Variants in CCND3 observed in about 807,000 individuals in gnomAD.
CCND3 encodes cyclin D3, also known as G1/S-specific cyclin-D3.
CCND3 carries 9 observed loss-of-function variants against 28.7 expected under a neutral mutation model. The observed-to-expected ratio is 0.31, with a 90% confidence interval of 0.19 to 0.55. The LOEUF (loss-of-function observed/expected upper bound fraction) is 0.55. CCND3 is among the 20% of genes least tolerant of loss of function. The pLI, the probability that CCND3 is intolerant of heterozygous loss-of-function variation, is 0.93. For missense variants in CCND3, 315 were observed against 385.8 expected, an observed-to-expected ratio of 0.82 and a Z score of 1.54; for synonymous variants, 164 against 163.9, an observed-to-expected ratio of 1.00 and a Z score of 0.00.
rs1391916082 is a variant in CCND3 at position 41,941,473 on chromosome 6, C to CATCTTCCGCATGTGCGGCTTG, written c.156_176dup (p.Ile52_Lys58dup). 6.2e-7 allele frequency: 1 copy of CATCTTCCGCATGTGCGGCTTG among 1,608,118 alleles called. No homozygotes were observed. Among genetic ancestry groups the CATCTTCCGCATGTGCGGCTTG allele is most frequent in the South Asian group, 1.1e-5 (1 of 90,538 alleles). On this transcript the variant is annotated inframe_insertion, in exon 1 of 5. Transcript: ENST00000372991. The surrounding 1 kb of genome is among the most constrained non-coding windows in gnomAD (Gnocchi z 6.1). The stretch of plus-strand genomic sequence containing the variant: ...GTACCTCCAGCATCCAGTAAGCCAG[C>CATCTTCCGCATGTGCGGCTTG]ATCTTCCGCATGTGCGGCTTGATCT...
chr6:41,986,725 ACTT>A (rs1445850394), intron 1 of CCND3, among the ~76,000 whole-genome samples: 1 of 151,990 alleles, frequency 6.6e-6, no homozygotes, highest in Non-Finnish European at 1.5e-5. Context: ...AGACAATGTT[ACTT>A]CTTCTTTTCC....
intron 1 of CCND3, among the ~76,000 whole-genome samples, chr6:41,953,901 A>C (rs1341268704): frequency 6.6e-6 from 1 of 151,988 alleles, no homozygotes; most frequent in East Asian, 1.9e-4. Context: ...CTGAATACTT[A>C]CTATGTGCCA....
intron 1 of CCND3, among the ~76,000 whole-genome samples, chr6:41,983,409 T>C (rs1762401511): frequency 6.6e-6 from 1 of 151,558 alleles, no homozygotes; most frequent in Non-Finnish European, 1.5e-5. Context: ...GGTATATATA[T>C]AATGAAATTA....
In CCND3 at chr6:41,935,839, G is replaced by A. The variant is rs759687476; in HGVS notation, c.*101C>T. 58 of 1,120,864 alleles carry A rather than the reference G, an allele frequency of 5.2e-5. No homozygotes were observed. Among genetic ancestry groups the A allele is most frequent in the African/African-American group, 4.5e-4 (29 of 64,890 alleles). The allele number at this position is 1,120,864 out of a possible 1,614,324, so 69.4% of individuals were successfully genotyped here. A position where few individuals can be genotyped will look rare whatever the true frequency, so the allele number is the denominator to read the frequency against. ...TGGGCTTTGTGAAGGGGGAACAGAC[G>A]CCCCTTCAGGCTTAGATGTGGTGTG... On this transcript the variant is annotated 3_prime_UTR_variant, in exon 5 of 5. Transcript: ENST00000372991.
At chr6:41,992,463 G>GTT (rs373285628) in intron 1 of CCND3, among the ~76,000 whole-genome samples, 105,222 of 120,484 alleles carry the variant, frequency 0.87, 46,365 homozygotes, top group Non-Finnish European at 0.9. Flanking sequence ...CACCCAGCCG[G>GTT]TTTTTTTTTT....
intron 1 of CCND3, among the ~76,000 whole-genome samples, chr6:42,046,654 GCACA>G (rs142253936): frequency 1.3e-4 from 19 of 151,100 alleles, no homozygotes; most frequent in Admixed American, 2.6e-4. Flanking sequence ...ACACGCGCGC[GCACA>G]CACACACACA....
intron 1 of CCND3, among the ~76,000 whole-genome samples, chr6:41,972,461 A>G (rs921857797): frequency 1.3e-5 from 2 of 152,082 alleles, no homozygotes; most frequent in African/African-American, 4.8e-5. Flanking sequence ...TGGAGTTTAG[A>G]TAGCCTTGGC....
chr6:41,977,652 C>T (rs1047521299), intron 1 of CCND3, among the ~76,000 whole-genome samples: 10 of 152,162 alleles, frequency 6.6e-5, no homozygotes, highest in African/African-American at 2.4e-4. Flanking sequence ...CAGGCGCGAA[C>T]CACCATGCCC....
chr6:41,991,282 C>T (rs1207291524), intron 1 of CCND3, among the ~76,000 whole-genome samples: 43 of 152,174 alleles, frequency 2.8e-4, no homozygotes, highest in Admixed American at 2.8e-3. Context: ...TGGTCTCAAA[C>T]TCCTGACCTC....
At chr6:41,957,609 G>A (rs1776468314) in intron 1 of CCND3, among the ~76,000 whole-genome samples, 1 of 152,140 alleles carries the variant, frequency 6.6e-6, no homozygotes, top group Non-Finnish European at 1.5e-5. Flanking sequence ...CTTGTTTCCT[G>A]TGAATAAATC....
intron 1 of CCND3, among the ~76,000 whole-genome samples, chr6:41,998,889 G>C (rs569381428): frequency 2.0e-4 from 30 of 151,726 alleles, no homozygotes; most frequent in Admixed American, 6.6e-4. Context: ...ATGTTGGTCA[G>C]GCTGGTCTCA....
At chr6:41,942,292 T>G (rs1330366287), upstream of CCND3, among the ~76,000 whole-genome samples, 2 of 152,182 alleles carry the variant, frequency 1.3e-5, no homozygotes, top group Non-Finnish European at 2.9e-5. Flanking sequence ...GTGGCAGAGC[T>G]AGGATTGGGA....
rs1764607437 is a variant in CCND3, at chr6:42,048,334, G to T, written c.-46+167C>A. 3 of 337,346 alleles carry T rather than the reference G, an allele frequency of 8.9e-6. No homozygotes were observed. Among genetic ancestry groups the T allele is most frequent in the Non-Finnish European group, 1.8e-5 (3 of 170,254 alleles). 20.9% of individuals were successfully genotyped at this position (337,346 alleles called of 1,614,324 possible). On this transcript the variant is annotated intron_variant, in intron 1 of 4. Transcript: ENST00000372988. The surrounding 1 kb of genome is among the most constrained non-coding windows in gnomAD (Gnocchi z 4.7). The stretch of plus-strand genomic sequence containing the variant: ...GGGTTTCTCTGCCCTTCAATTCCGT[G>T]CAGAACACCTCACTCAGTGGGAAAG...
intron 1 of CCND3, among the ~76,000 whole-genome samples, chr6:41,951,517 A>G (rs545373615): frequency 1.7e-4 from 23 of 138,036 alleles, no homozygotes; most frequent in African/African-American, 5.1e-4. Context: ...AGCTGAGATC[A>G]TGTCACTGCA....
chr6:42,018,076 G>C (rs1344754399), intron 1 of CCND3, among the ~76,000 whole-genome samples: 1 of 151,986 alleles, frequency 6.6e-6, no homozygotes, highest in Non-Finnish European at 1.5e-5. Flanking sequence ...TTGAACCTGG[G>C]AGGTGGAGGT....
intron 1 of CCND3, among the ~76,000 whole-genome samples, chr6:42,027,427 G>A (rs959961212): frequency 3.1e-5 from 4 of 129,682 alleles, no homozygotes; most frequent in Non-Finnish European, 3.3e-5. Context: ...GTGAGAGAGC[G>A]AGGCTCCATC....
At chr6:41,977,444 A>G (rs1240490504) in intron 1 of CCND3, among the ~76,000 whole-genome samples, 1 of 152,034 alleles carries the variant, frequency 6.6e-6, no homozygotes, top group Non-Finnish European at 1.5e-5. Context: ...TCGTCTCACT[A>G]CAACCTCCAC....
At chr6:41,970,638 A>C (rs1762010003) in intron 1 of CCND3, among the ~76,000 whole-genome samples, 1 of 152,212 alleles carries the variant, frequency 6.6e-6, no homozygotes, top group South Asian at 2.1e-4. Flanking sequence ...GCAAGCCTGT[A>C]TTATGGAAGT....
intron 1 of CCND3, among the ~76,000 whole-genome samples, chr6:41,994,435 G>A (rs1198442563): frequency 6.6e-6 from 1 of 152,146 alleles, no homozygotes; most frequent in Non-Finnish European, 1.5e-5. Flanking sequence ...TATGGAGGGA[G>A]CAAAAAGACC....
Sources: allele counts gnomAD v4.1 joint callset (sites outside exome capture counted in the v4.1 genomes callset), GRCh38; gene constraint gnomAD v4.1.1; non-coding constraint Gnocchi (gnomAD v3.1); transcripts MANE v1.5; gene names NCBI Gene and HGNC (gene_info 2026-07-23, HGNC 2026-07-21).